PAX5: variants seen among roughly 807,000 people sequenced by gnomAD.
PAX5 encodes paired box protein Pax-5.
A neutral mutation model predicts 43.7 loss-of-function variants in PAX5; 9 were observed. The observed-to-expected ratio is 0.21, with a 90% CI of 0.12 to 0.36. PAX5 has a LOEUF of 0.36. PAX5 is among the 10% of genes least tolerant of loss of function. PAX5 has a pLI of 1.00. For missense variants in PAX5, 383 were observed against 532.7 expected (o/e 0.72, Z 2.77); for synonymous variants, 228 against 214.3 (o/e 1.06, Z -0.56).
intron 5 of PAX5, among the ~76,000 whole-genome samples, chr9:36,996,100 C>T (rs1013764361): frequency 2.6e-5 from 4 of 152,256 alleles, no homozygotes; most frequent in African/African-American, 9.6e-5. Flanking sequence ...TCCGTGGCTC[C>T]ACAGCTCCAA....
At chr9:36,923,306 A>ATC (rs768276588) in intron 7 of PAX5, 49 bp downstream of exon 7, 52 of 1,557,506 alleles carry the variant, frequency 3.3e-5, no homozygotes, top group African/African-American at 5.5e-5. Context: ...ACACACTCCT[A>ATC]TCTCTCTCTC....
intron 5 of PAX5, among the ~76,000 whole-genome samples, chr9:36,986,893 G>A (rs1008442098): frequency 1.3e-5 from 2 of 152,208 alleles, no homozygotes; most frequent in Non-Finnish European, 2.9e-5. Flanking sequence ...CACCGGCCAC[G>A]AGTAGGCTCG....
At chr9:36,941,186 A>T (rs1355220557) in intron 6 of PAX5, among the ~76,000 whole-genome samples, 1 of 152,208 alleles carries the variant, frequency 6.6e-6, no homozygotes. Context: ...CCCCAGCACC[A>T]CCCATCACAG....
chr9:37,010,618 C>A (rs1188731462), intron 3 of PAX5, among the ~76,000 whole-genome samples: 3 of 152,096 alleles, frequency 2.0e-5, no homozygotes, highest in Admixed American at 6.5e-5. Context: ...TCATCCCACG[C>A]CCCCCGCCCC....
chr9:36,843,528 C>T (rs1239657387), intron 9 of PAX5, among the ~76,000 whole-genome samples: 1 of 152,228 alleles, frequency 6.6e-6, no homozygotes, highest in Admixed American at 6.5e-5. Flanking sequence ...AGGCCCAGAC[C>T]TGCCTAGGCT....
chr9:36,999,027 G>T (rs4880050), intron 5 of PAX5, among the ~76,000 whole-genome samples: 131,775 of 152,192 alleles, frequency 0.87, 57,842 homozygotes, highest in Non-Finnish European at 0.94. Context: ...GCTAGTCACT[G>T]TCATGTTATC....
chr9:36,844,347 T>G (rs1822358775), intron 9 of PAX5, among the ~76,000 whole-genome samples: 1 of 152,216 alleles, frequency 6.6e-6, no homozygotes, highest in South Asian at 2.1e-4. Context: ...AAATCCTCCT[T>G]CTGCCACCTG....
chr9:37,000,597 G>GA (rs142089952), intron 5 of PAX5, among the ~76,000 whole-genome samples: 1 of 152,050 alleles, frequency 6.6e-6, no homozygotes, highest in African/African-American at 2.4e-5. Flanking sequence ...TATTTATTAA[G>GA]AAAAAAATTT....
intron 6 of PAX5, among the ~76,000 whole-genome samples, chr9:36,951,511 T>C (rs1250982729): frequency 6.6e-6 from 1 of 152,214 alleles, no homozygotes; most frequent in African/African-American, 2.4e-5. Flanking sequence ...AAAGTTTATA[T>C]CATCTGATAA....
intron 5 of PAX5, among the ~76,000 whole-genome samples, chr9:36,969,012 G>C (rs1411466477): frequency 6.6e-6 from 1 of 152,178 alleles, no homozygotes; most frequent in East Asian, 1.9e-4. Flanking sequence ...CCTGGTCCCA[G>C]TCACTCTTGC....
intron 1 of PAX5, among the ~76,000 whole-genome samples, chr9:37,033,357 T>G (rs145160017): frequency 6.6e-6 from 1 of 152,326 alleles, no homozygotes; most frequent in African/African-American, 2.4e-5. Flanking sequence ...CATTGGCGTG[T>G]ATGCATCGGA....
chr9:36,881,944 G>T, intron 8 of PAX5, 60 bp downstream of exon 8: 2 of 1,218,822 alleles, frequency 1.6e-6, no homozygotes, highest in Non-Finnish European at 2.4e-6. Context: ...GGGGGGGGAT[G>T]TCCCCCCACC....
chr9:36,997,004 A>G (rs181338740), intron 5 of PAX5, among the ~76,000 whole-genome samples: 10 of 152,302 alleles, frequency 6.6e-5, no homozygotes, highest in African/African-American at 2.4e-4. Context: ...TAAACAGGAA[A>G]TAAAGCCAAA....
chr9:36,927,423 A>T (rs151202577), intron 6 of PAX5, among the ~76,000 whole-genome samples: 3 of 152,368 alleles, frequency 2.0e-5, no homozygotes, highest in African/African-American at 7.2e-5. Flanking sequence ...TTCCAGATGG[A>T]AGAGGCTTAT....
intron 6 of PAX5, among the ~76,000 whole-genome samples, chr9:36,943,452 G>A (rs1832224402): frequency 1.3e-5 from 2 of 151,342 alleles, no homozygotes; most frequent in South Asian, 2.1e-4. Flanking sequence ...GATCTTCACA[G>A]TACAATAAAG....
chr9:37,003,164 A>C (rs1588197786), intron 4 of PAX5, among the ~76,000 whole-genome samples: 1 of 149,974 alleles, frequency 6.7e-6, no homozygotes, highest in African/African-American at 2.4e-5. Flanking sequence ...TAAAAAAAAA[A>C]AAAAAAAAAA....
chr9:36,935,361 C>G (rs895775268), intron 6 of PAX5, among the ~76,000 whole-genome samples: 7 of 149,968 alleles, frequency 4.7e-5, no homozygotes, highest in Non-Finnish European at 1.0e-4. Flanking sequence ...GCCTGGGCAA[C>G]AAGAGCGAAA....
At chr9:36,846,500 A>G (rs1469622019) in intron 9 of PAX5, among the ~76,000 whole-genome samples, 3 of 152,204 alleles carry the variant, frequency 2.0e-5, no homozygotes, top group Non-Finnish European at 4.4e-5. Context: ...TTCTCGCCTG[A>G]ATATGTCATT....
intron 8 of PAX5, among the ~76,000 whole-genome samples, chr9:36,866,070 CT>C (rs1464804896): frequency 6.6e-6 from 1 of 152,182 alleles, no homozygotes; most frequent in African/African-American, 2.4e-5. Flanking sequence ...AGGAAGGTGC[CT>C]CAAATCCATT....
Sources: allele counts gnomAD v4.1 joint callset (sites outside exome capture counted in the v4.1 genomes callset), GRCh38; gene constraint gnomAD v4.1.1; transcripts MANE v1.5; gene names NCBI Gene and HGNC (gene_info 2026-07-23, HGNC 2026-07-21).